SLC35A3: variants seen among roughly 807,000 people sequenced by gnomAD.
SLC35A3 encodes UDP-N-acetylglucosamine transporter.
SLC35A3 carries 26 observed loss-of-function variants against 39.0 expected under a neutral mutation model. The ratio of observed to expected loss-of-function variants is 0.67; its 90% confidence interval spans 0.49 to 0.92. The LOEUF (loss-of-function observed/expected upper bound fraction) is 0.92, where lower values mean the gene tolerates loss of function less well. Among genes scored for constraint, SLC35A3 ranks in the 40% least tolerant of loss-of-function variants. The pLI, the probability that SLC35A3 is intolerant of heterozygous loss-of-function variation, is 0.00. For synonymous variants in SLC35A3, 135 were observed against 133.1 expected (o/e 1.01, Z -0.10); for missense variants, 299 against 371.6 (o/e 0.80, Z 1.61).
At position 100,007,078 on chromosome 1, in the gene SLC35A3, GT is replaced by G. The variant is rs1201419525; in HGVS notation, c.388del (p.Ser130LeufsTer15). The part of the protein sequence containing the change: ...KILTTALFSV[S>X]MLSKKLGVYQ... ...TTCTTACAACAGCATTATTTTCTGT[GT>G]CTATGCTTAGTAAAAAATTGGGTGT... On this transcript the variant is annotated frameshift_variant, in exon 4 of 8. Coordinates refer to ENST00000533028, the MANE Select transcript of SLC35A3 (RefSeq NM_012243.3). LOFTEE classifies it high-confidence loss of function. The G allele has an allele frequency of 6.2e-7, 1 of 1,611,338 alleles. No homozygotes were observed. The highest frequency in any genetic ancestry group is 1.7e-5 in the Admixed American group (1 of 59,536).
At chr1:100,000,483 A>G (rs901818052) in intron 3 of SLC35A3, among the ~76,000 whole-genome samples, 3 of 152,016 alleles carry the variant, frequency 2.0e-5, no homozygotes, top group African/African-American at 4.8e-5. Flanking sequence ...TTCTTGTCAC[A>G]TGATTAGTGC....
chr1:100,020,153 T>C (rs1415723351), intron 7 of SLC35A3, among the ~76,000 whole-genome samples: 1 of 152,190 alleles, frequency 6.6e-6, no homozygotes, highest in East Asian at 1.9e-4. Context: ...TAGAGGGGGC[T>C]CAAATCCTTG....
rs1404820033 is a variant in SLC35A3, at chr1:100,024,830, T to TA, written c.*2360dup. ...ACTGTTCTAATAGATATAAAAACTG[T>TA]AAAAAATAAGTATTTTTATATAGCT... is the stretch of plus-strand genomic sequence containing the variant. On this transcript the variant is annotated 3_prime_UTR_variant, in exon 8 of 8. Transcript: ENST00000533028. 10 of 390,982 alleles carry TA rather than the reference T, an allele frequency of 2.6e-5. No homozygotes were observed. The highest frequency in any genetic ancestry group is 8.9e-5 in the Admixed American group (2 of 22,462). 24.2% of individuals were successfully genotyped at this position (390,982 alleles called of 1,614,324 possible). A position where few individuals can be genotyped will look rare whatever the true frequency, so the allele number is the denominator to read the frequency against.
At chr1:99,987,349 G>T (rs1040902816) in intron 1 of SLC35A3, among the ~76,000 whole-genome samples, 2 of 152,120 alleles carry the variant, frequency 1.3e-5, no homozygotes, top group African/African-American at 4.8e-5. Context: ...CTCTAAGCTT[G>T]ATCCTCTATT....
At chr1:100,020,887 T>G (rs913074293) in intron 7 of SLC35A3, among the ~76,000 whole-genome samples, 1 of 151,986 alleles carries the variant, frequency 6.6e-6, no homozygotes, top group East Asian at 1.9e-4. Flanking sequence ...CTGATTGGAG[T>G]GGCTGAATTA....
At chr1:99,987,982 T>A (rs1456096783) in intron 1 of SLC35A3, among the ~76,000 whole-genome samples, 8 of 152,226 alleles carry the variant, frequency 5.3e-5, no homozygotes, top group South Asian at 2.1e-4. Flanking sequence ...TTAATTTTTT[T>A]AAATCAACTT....
In SLC35A3 at chr1:100,024,695, T is replaced by C; in HGVS notation, c.*2219T>C. 5.2e-6 allele frequency: 2 copies of C among 388,004 alleles called. No homozygotes were observed. Among genetic ancestry groups the C allele is most frequent in the Non-Finnish European group, 9.1e-6 (2 of 220,412 alleles). The allele number at this position is 388,004 out of a possible 1,614,324, so 24.0% of individuals were successfully genotyped here. A position where few individuals can be genotyped will look rare whatever the true frequency, so the allele number is the denominator to read the frequency against. On this transcript the variant is annotated 3_prime_UTR_variant, in exon 8 of 8. Coordinates refer to ENST00000533028, the MANE Select transcript of SLC35A3 (RefSeq NM_012243.3). The stretch of plus-strand genomic sequence containing the variant: ...GTGCTGTGGCGCGATCTCGGCTTAC[T>C]GCAACCTCCCACTCCCTGGTTCAAG...
chr1:100,000,116 G>A (rs1275423133), intron 3 of SLC35A3, among the ~76,000 whole-genome samples: 1 of 152,062 alleles, frequency 6.6e-6, no homozygotes, highest in Non-Finnish European at 1.5e-5. Flanking sequence ...TTGCTGGATT[G>A]TCTGGTAGTT....
intron 3 of SLC35A3, among the ~76,000 whole-genome samples, chr1:100,004,676 A>T (rs1301207755): frequency 2.0e-5 from 3 of 151,854 alleles, no homozygotes; most frequent in Non-Finnish European, 2.9e-5. Flanking sequence ...TTTTATTTTT[A>T]AAAAATTTAT....
At chr1:99,970,752 C>T in intron 1 of SLC35A3, 1 of 684,316 alleles carries the variant, frequency 1.5e-6, no homozygotes, top group Non-Finnish European at 2.4e-6. Flanking sequence ...TTATTATGTT[C>T]TCTTAAATGC....
intron 2 of SLC35A3, among the ~76,000 whole-genome samples, chr1:99,998,588 T>A (rs1336567226): frequency 1.3e-5 from 2 of 152,210 alleles, no homozygotes; most frequent in African/African-American, 2.4e-5. Flanking sequence ...CCTTTGCAAC[T>A]TGCTTGGTGC....
intron 4 of SLC35A3, 44 bp from the exon 5 acceptor site, chr1:100,011,319 AAT>A (rs1659617757): frequency 9.6e-7 from 1 of 1,047,106 alleles, no homozygotes; most frequent in Non-Finnish European, 1.4e-6. Context: ...GTTTATGTAA[AAT>A]GTTATGGAAA....
chr1:99,987,217 T>C (rs1657794063), intron 1 of SLC35A3, among the ~76,000 whole-genome samples: 1 of 152,254 alleles, frequency 6.6e-6, no homozygotes. Flanking sequence ...ATTTTCGTCA[T>C]TTTAAAGTGA....
intron 7 of SLC35A3, among the ~76,000 whole-genome samples, chr1:100,019,310 C>T (rs944071256): frequency 3.3e-5 from 5 of 151,864 alleles, no homozygotes; most frequent in African/African-American, 7.3e-5. Context: ...TGTAAATTCA[C>T]GTTTCTGAGG....
chr1:100,006,882 T>A, intron 3 of SLC35A3, 152 bp from the exon 4 acceptor site: 1 of 816,538 alleles, frequency 1.2e-6, no homozygotes, highest in Non-Finnish European at 1.8e-6. Context: ...TTCCTGAGAC[T>A]GGCATTAACT....
In SLC35A3 at chr1:99,999,343, A is replaced by G. The variant is rs1318351926; in HGVS notation, c.270A>G (p.Pro90=). The G allele has an allele frequency of 1.2e-6, 2 of 1,601,282 alleles. No individual in the cohort carries two copies. Among genetic ancestry groups the G allele is most frequent in the Admixed American group, 1.7e-5 (1 of 58,218 alleles). ...KPMETLKLAI[P]SGIYTLQNNL... ...TGGAAACACTTAAACTTGCTATTCC[A>G]TCAGGGATCTATACTCTTCAGAATA... The change falls in exon 3 of 8, where the codon CCA becomes CCG. Residue 90 remains proline (P), a synonymous_variant. Coordinates refer to ENST00000533028, the MANE Select transcript of SLC35A3 (RefSeq NM_012243.3).
At chr1:99,998,178 G>A (rs1658536675) in intron 2 of SLC35A3, among the ~76,000 whole-genome samples, 1 of 148,660 alleles carries the variant, frequency 6.7e-6, no homozygotes, top group African/African-American at 2.5e-5. Context: ...TTTTGAGATG[G>A]GGATCTTGTT....
chr1:99,995,526 A>C (rs146931329), intron 2 of SLC35A3, among the ~76,000 whole-genome samples: 28 of 152,298 alleles, frequency 1.8e-4, no homozygotes, highest in Non-Finnish European at 3.2e-4. Flanking sequence ...AGTCAGAAGA[A>C]AGGAGGAATC....
chr1:100,003,601 T>C (rs1265052144), intron 3 of SLC35A3, among the ~76,000 whole-genome samples: 1 of 152,136 alleles, frequency 6.6e-6, no homozygotes, highest in Non-Finnish European at 1.5e-5. Flanking sequence ...AACTGTTAGA[T>C]GAAGTGTTTT....
Sources: allele counts gnomAD v4.1 joint callset (sites outside exome capture counted in the v4.1 genomes callset), GRCh38; gene constraint gnomAD v4.1.1; transcripts MANE v1.5; gene names NCBI Gene and HGNC (gene_info 2026-07-23, HGNC 2026-07-21).